DDC: variants seen among roughly 807,000 people sequenced by gnomAD.
DDC encodes the protein aromatic-L-amino-acid decarboxylase.
DDC carries 43 observed loss-of-function variants against 60.0 expected under a neutral mutation model. That is an observed-to-expected ratio of 0.72 (90% CI 0.56 to 0.92). The LOEUF is 0.92. DDC is among the 40% of genes least tolerant of loss of function. DDC has a pLI of 0.00. For missense variants in DDC, 573 were observed against 620.2 expected, an observed-to-expected ratio of 0.92 and a Z score of 0.81; for synonymous variants, 232 against 234.6, an observed-to-expected ratio of 0.99 and a Z score of 0.10.
rs567487812 is a variant in DDC at position 50,463,175 on chromosome 7, C to A, written c.*18+38G>T. The A allele has an allele frequency of 6.6e-5, 101 of 1,527,242 alleles. No individual in the cohort carries two copies. The African/African-American group carries it at 1.3e-3, about 20-fold the overall frequency. 94.6% of individuals were successfully genotyped at this position (1,527,242 alleles called of 1,614,324 possible). ...CCAGGAGGACACTCTTGCCACGGGACAAGGAGACAGGCAGAAAATGAGCCC... is the reference window on the plus strand; with the variant it reads ...CCAGGAGGACACTCTTGCCACGGGAAAAGGAGACAGGCAGAAAATGAGCCC... On this transcript the variant is annotated intron_variant, in intron 14 of 14. Transcript: ENST00000444124.
At chr7:50,532,613 AAATACTT>A (rs1273006875) in intron 4 of DDC, among the ~76,000 whole-genome samples, 1 of 152,258 alleles carries the variant, frequency 6.6e-6, no homozygotes, top group African/African-American at 2.4e-5. Flanking sequence ...CAATCTTCAT[AAATACTT>A]TGAGGATGAA....
chr7:50,529,345 A>G lies in DDC; in HGVS notation c.436-3T>C, dbSNP rs2044132650. 1 of 1,614,176 alleles carries G rather than the reference A, an allele frequency of 6.2e-7. No homozygotes were observed. The highest frequency in any genetic ancestry group is 8.5e-7 in the Non-Finnish European group (1 of 1,180,024). Reference sequence around the variant, plus strand: ...AGGGTGGCTTCACTGGCACTTCCCTAAATTCAAGAGAAGGTCCAAATGAAA... The same window carrying G: ...AGGGTGGCTTCACTGGCACTTCCCTGAATTCAAGAGAAGGTCCAAATGAAA... On this transcript the variant is annotated splice_region_variant and splice_polypyrimidine_tract_variant and intron_variant, in intron 4 of 14. Transcript: ENST00000444124.
intron 6 of DDC, among the ~76,000 whole-genome samples, chr7:50,522,947 C>T (rs1490667777): frequency 5.3e-5 from 8 of 152,094 alleles, no homozygotes; most frequent in African/African-American, 1.9e-4. Flanking sequence ...TTTAAACAGC[C>T]GGATCTCATG....
intron 9 of DDC, among the ~76,000 whole-genome samples, chr7:50,481,213 T>C (rs2042759719): frequency 6.6e-6 from 1 of 152,244 alleles, no homozygotes; most frequent in African/African-American, 2.4e-5. Flanking sequence ...CCTTTATTTT[T>C]GTTTTAAGGT....
At chr7:50,513,107 G>A (rs1304212413) in intron 6 of DDC, among the ~76,000 whole-genome samples, 1 of 152,198 alleles carries the variant, frequency 6.6e-6, no homozygotes, top group Non-Finnish European at 1.5e-5. Flanking sequence ...ACTCTGTGAA[G>A]GAAGTGAAAT....
chr7:50,477,865 AAAC>A (rs2042681024), intron 10 of DDC, among the ~76,000 whole-genome samples: 1 of 152,186 alleles, frequency 6.6e-6, no homozygotes, highest in Non-Finnish European at 1.5e-5. Flanking sequence ...ACTGCAAATG[AAAC>A]AACAACACTC....
At chr7:50,500,423 A>AT (rs2043226326) in intron 7 of DDC, among the ~76,000 whole-genome samples, 1 of 152,186 alleles carries the variant, frequency 6.6e-6, no homozygotes, top group Non-Finnish European at 1.5e-5. Flanking sequence ...AAACGTTCAG[A>AT]CTACAGCAAG....
At chr7:50,463,853 G>C (rs1275837178) in intron 13 of DDC, among the ~76,000 whole-genome samples, 6 of 152,198 alleles carry the variant, frequency 3.9e-5, no homozygotes, top group Non-Finnish European at 7.3e-5. Context: ...TAACGGTCAA[G>C]CTAGTGCTAG....
intron 1 of DDC, among the ~76,000 whole-genome samples, chr7:50,550,412 G>A (rs73123291): frequency 0.1 from 15,538 of 152,120 alleles, 1,051 homozygotes; most frequent in South Asian, 0.15. Flanking sequence ...AAATTCATGC[G>A]ACTCCCTTTA....
chr7:50,483,673 C>A (rs568169113), intron 9 of DDC, among the ~76,000 whole-genome samples: 148 of 152,106 alleles, frequency 9.7e-4, no homozygotes, highest in African/African-American at 3.5e-3. Context: ...GAGGCCGAGG[C>A]GGGAGGATCA....
intron 1 of DDC, among the ~76,000 whole-genome samples, chr7:50,553,281 A>G (rs1317644605): frequency 6.6e-6 from 1 of 152,172 alleles, no homozygotes; most frequent in East Asian, 1.9e-4. Flanking sequence ...TCCTGATGAA[A>G]AAAATAGGGT....
chr7:50,548,231 A>G (rs2044869757), intron 1 of DDC, among the ~76,000 whole-genome samples: 1 of 152,206 alleles, frequency 6.6e-6, no homozygotes, highest in African/African-American at 2.4e-5. Context: ...TAACACTGCA[A>G]TGGCCTCTAA....
At chr7:50,521,590 G>A (rs1477969277) in intron 6 of DDC, among the ~76,000 whole-genome samples, 1 of 152,150 alleles carries the variant, frequency 6.6e-6, no homozygotes, top group Non-Finnish European at 1.5e-5. Context: ...ATTCCAGGAT[G>A]GAAGGCTGAT....
intron 10 of DDC, among the ~76,000 whole-genome samples, 184 bp downstream of exon 10, chr7:50,479,603 G>A (rs531989219): frequency 1.4e-4 from 22 of 152,204 alleles, no homozygotes; most frequent in African/African-American, 4.6e-4. Context: ...GCCTCCCCAA[G>A]CCTCTTAACC....
intron 4 of DDC, among the ~76,000 whole-genome samples, chr7:50,533,814 G>A (rs547434399): frequency 6.6e-6 from 1 of 152,280 alleles, no homozygotes; most frequent in Non-Finnish European, 1.5e-5. Flanking sequence ...GAATCAGCAG[G>A]GCTCACCAAA....
intron 7 of DDC, among the ~76,000 whole-genome samples, chr7:50,500,167 G>A (rs2043216647): frequency 1.3e-5 from 2 of 152,046 alleles, no homozygotes; most frequent in Non-Finnish European, 2.9e-5. Flanking sequence ...GGATACCAGT[G>A]TCAGGGTACC....
intron 14 of DDC, among the ~76,000 whole-genome samples, chr7:50,462,237 A>AAAAAAAAAAAAAAAAT (rs2042293097): frequency 6.6e-6 from 1 of 150,488 alleles, no homozygotes; most frequent in African/African-American, 2.4e-5. Flanking sequence ...AAAAAAAAAA[A>AAAAAAAAAAAAAAAAT]AAAAAAAAAA....
intron 9 of DDC, among the ~76,000 whole-genome samples, chr7:50,481,597 C>G (rs74364854): frequency 5.3e-5 from 8 of 152,172 alleles, no homozygotes; most frequent in Non-Finnish European, 7.4e-5. Context: ...AATAAATCAC[C>G]ACCCCCTGCT....
chr7:50,508,328 A>G (rs1411837306), intron 6 of DDC, among the ~76,000 whole-genome samples: 3 of 152,176 alleles, frequency 2.0e-5, no homozygotes, highest in Non-Finnish European at 2.9e-5. Flanking sequence ...GCATAATCAC[A>G]TTTGTGCAGG....
Sources: allele counts gnomAD v4.1 joint callset (sites outside exome capture counted in the v4.1 genomes callset), GRCh38; gene constraint gnomAD v4.1.1; transcripts MANE v1.5; gene names NCBI Gene and HGNC (gene_info 2026-07-23, HGNC 2026-07-21).